Variants in SOX30 observed in about 807,000 individuals in gnomAD.
SOX30 encodes the protein transcription factor SOX-30.
Under a neutral mutation model 58.6 loss-of-function variants are expected in SOX30, and 17 were observed. The observed-to-expected ratio is 0.29, with a 90% CI of 0.20 to 0.44. The LOEUF (loss-of-function observed/expected upper bound fraction) is 0.44. SOX30 is among the 20% of genes least tolerant of loss of function. SOX30 has a pLI of 1.00. For synonymous variants in SOX30, 421 were observed against 400.2 expected (o/e 1.05, Z -0.62); for missense variants, 951 against 965.8 (o/e 0.98, Z 0.20).
upstream of SOX30, among the ~76,000 whole-genome samples, chr5:157,654,692 T>G (rs1759432936): frequency 3.3e-5 from 5 of 152,144 alleles, no homozygotes; most frequent in Admixed American, 2.0e-4. Context: ...ATAAAAACCT[T>G]GCTGATAAAA....
At chr5:157,639,751 T>C (rs1311067127) in intron 3 of SOX30, among the ~76,000 whole-genome samples, 1 of 152,210 alleles carries the variant, frequency 6.6e-6, no homozygotes, top group Non-Finnish European at 1.5e-5. Flanking sequence ...GCAATACAGT[T>C]TCGAATCCAT....
chr5:157,642,332 A>T (rs1451120266), intron 3 of SOX30, among the ~76,000 whole-genome samples: 4 of 151,320 alleles, frequency 2.6e-5, no homozygotes, highest in Admixed American at 2.6e-4. Context: ...AAAAAAAAAG[A>T]AGAAGCTTGA....
In SOX30 at chr5:157,663,040, C is replaced by T. The variant is rs575775439; in HGVS notation, c.52+4758G>A. Among the ~76,000 whole-genome samples, 124 of 152,264 alleles carry T rather than the reference C, an allele frequency of 8.1e-4. 1 individual carries two copies. The highest frequency in any genetic ancestry group is 2.9e-3 in the African/African-American group (121 of 41,542). On this transcript the variant is annotated intron_variant, in intron 2 of 5. Transcript: ENST00000519442. ...CCAGAGGTACAAGGAGGAGCTGGTA[C>T]CATTCCTTCTGAAACTATTTCAATC...
At chr5:157,635,421 C>T (rs912240983) in intron 4 of SOX30, among the ~76,000 whole-genome samples, 6 of 151,972 alleles carry the variant, frequency 3.9e-5, no homozygotes, top group African/African-American at 1.2e-4. Flanking sequence ...GTCAGGAGTT[C>T]GAGACCAGCC....
chr5:157,631,259 T>C (rs1758801470), intron 4 of SOX30, among the ~76,000 whole-genome samples: 1 of 151,204 alleles, frequency 6.6e-6, no homozygotes, highest in African/African-American at 2.4e-5. Flanking sequence ...TTCCAGAGAC[T>C]TGAATGATTG....
upstream of SOX30, among the ~76,000 whole-genome samples, chr5:157,657,200 TG>T (rs1759489571): frequency 6.6e-6 from 1 of 152,186 alleles, no homozygotes; most frequent in African/African-American, 2.4e-5. Context: ...ATTGTATAAA[TG>T]TATTATTGGT....
chr5:157,652,551 C>G (rs912793131), upstream of SOX30: 1 of 189,214 alleles, frequency 5.3e-6, no homozygotes, highest in Non-Finnish European at 9.8e-6. Flanking sequence ...CCTGAGTAAT[C>G]TGTCGGCCCT....
intron 4 of SOX30, among the ~76,000 whole-genome samples, chr5:157,634,900 G>A (rs137926080): frequency 0.091 from 13,764 of 152,054 alleles, 715 homozygotes; most frequent in Middle Eastern, 0.15. Flanking sequence ...TGCCCGCCTC[G>A]GCCTCCCAAA....
At chr5:157,630,176 A>G (rs1758755758) in intron 4 of SOX30, among the ~76,000 whole-genome samples, 1 of 152,120 alleles carries the variant, frequency 6.6e-6, no homozygotes, top group African/African-American at 2.4e-5. Context: ...GATATGATCT[A>G]TTTGGTGAAA....
chr5:157,654,662 G>T (rs1759432402), upstream of SOX30, among the ~76,000 whole-genome samples: 1 of 152,190 alleles, frequency 6.6e-6, no homozygotes, highest in Non-Finnish European at 1.5e-5. Flanking sequence ...GAGATAGGAG[G>T]CTGGCACAAA....
chr5:157,637,212 C>T (rs1207512852), intron 4 of SOX30, among the ~76,000 whole-genome samples: 1 of 150,700 alleles, frequency 6.6e-6, no homozygotes, highest in Admixed American at 6.6e-5. Context: ...AGTTAAATTT[C>T]TATCATTCCA....
At chr5:157,628,884 G>A (rs1230852022) in intron 4 of SOX30, among the ~76,000 whole-genome samples, 3 of 151,868 alleles carry the variant, frequency 2.0e-5, no homozygotes, top group Non-Finnish European at 4.4e-5. Flanking sequence ...CAGGTGATCC[G>A]CCCGCCTCAG....
rs200265531 is a variant in SOX30 at position 157,638,548 on chromosome 5, G to A, written c.1562C>T (p.Thr521Ile). Reference sequence around the variant, plus strand: ...AGTGGCTTCAGAATGCAGCTGATGAGTGTCTGTTTGGGAAGGCCCAGTAAA... The same window carrying A: ...AGTGGCTTCAGAATGCAGCTGATGAATGTCTGTTTGGGAAGGCCCAGTAAA... ...QRFTGPSQTD[T>I]HQLHSEATHT... Residue 521 changes from threonine to isoleucine, a missense_variant, in exon 4 of 5, where the codon ACT (threonine) becomes ATT (isoleucine). Physicochemically the swap from Thr to Ile is moderately conservative, Grantham distance 89 (BLOSUM62 -1). Around this residue, in one of 7 missense-constraint regions of SOX30, gnomAD observed 381 missense variants for 390.0 expected, o/e 0.98. Coordinates refer to ENST00000265007, the MANE Select transcript of SOX30 (RefSeq NM_178424.2). 6.2e-7 allele frequency: 1 copy of A among 1,614,222 alleles called. No homozygotes were observed. Among genetic ancestry groups the A allele is most frequent in the Middle Eastern group, 1.6e-4 (1 of 6,062 alleles).
Position 157,651,896 on chromosome 5 carries a change from G to T in SOX30, c.183C>A (p.Ser61=). Residue 61 remains serine (S), a synonymous_variant, in exon 1 of 5, where the codon TCC becomes TCA. Transcript: ENST00000265007. The stretch of plus-strand genomic sequence containing the variant: ...GCCGCCGCACCGCGGGCTGTAAGCC[G>T]GACGCCACTGCCTCCCCGCACGACG... ...LASSCGEAVA[S]GLQPAVRRLL... is the part of the protein sequence containing the mutation. The T allele has an allele frequency of 6.5e-7, 1 of 1,533,892 alleles. No homozygotes were observed. Among genetic ancestry groups the T allele is most frequent in the South Asian group, 1.2e-5 (1 of 80,820 alleles).
intron 3 of SOX30, among the ~76,000 whole-genome samples, chr5:157,643,413 T>C (rs1348384064): frequency 1.3e-5 from 2 of 152,008 alleles, no homozygotes; most frequent in African/African-American, 4.8e-5. Context: ...GAATGAGACT[T>C]TGTCTCAAAA....
At chr5:157,667,366 C>T (rs1759692669) in intron 2 of SOX30, among the ~76,000 whole-genome samples, 1 of 152,170 alleles carries the variant, frequency 6.6e-6, no homozygotes, top group African/African-American at 2.4e-5. Flanking sequence ...GTTGAAAATA[C>T]ATTTCATTTC....
chr5:157,647,743 T>C (rs977645698), intron 2 of SOX30, among the ~76,000 whole-genome samples: 39 of 151,716 alleles, frequency 2.6e-4, no homozygotes, highest in African/African-American at 8.9e-4. Flanking sequence ...TTTTTTTTAG[T>C]AGAGATGGGG....
chr5:157,657,076 G>C (rs890364964), upstream of SOX30, among the ~76,000 whole-genome samples: 4 of 152,174 alleles, frequency 2.6e-5, no homozygotes, highest in African/African-American at 9.6e-5. Flanking sequence ...TAAAGAATTG[G>C]GTTTGTCATC....
intron 4 of SOX30, among the ~76,000 whole-genome samples, chr5:157,627,068 A>T (rs1758674353): frequency 6.6e-6 from 1 of 152,222 alleles, no homozygotes; most frequent in Non-Finnish European, 1.5e-5. Flanking sequence ...CTATGCTAAG[A>T]ATTGACACTC....
Sources: allele counts gnomAD v4.1 joint callset (sites outside exome capture counted in the v4.1 genomes callset), GRCh38; gene constraint gnomAD v4.1.1; regional missense constraint gnomAD v4.1.1; transcripts MANE v1.5; gene names NCBI Gene and HGNC (gene_info 2026-07-23, HGNC 2026-07-21).